Variants in SPRR2G observed in about 807,000 individuals in gnomAD.
SPRR2G encodes small proline rich protein 2G.
In SPRR2G, 1 loss-of-function variant was observed where a neutral mutation model predicts 0.7. The ratio of observed to expected loss-of-function variants is 1.49; its 90% CI spans 0.53 to 7.06. The LOEUF (loss-of-function observed/expected upper bound fraction) is 7.06. Among genes scored for constraint, SPRR2G ranks in the 30% most tolerant of loss-of-function variants. The pLI, the probability that SPRR2G is intolerant of heterozygous loss-of-function variation, is 0.14. For synonymous variants in SPRR2G, 38 were observed against 33.9 expected (o/e 1.12, Z -0.42); for missense variants, 96 against 88.5 (o/e 1.09, Z -0.34).
At chr1:153,193,767 G>A in the SPRR2G span, among the ~76,000 whole-genome samples, 2 of 152,114 alleles carry the variant, frequency 1.3e-5, no homozygotes, top group African/African-American at 4.8e-5. Flanking sequence ...AAAGACCTGA[G>A]GTGCTGCTGA....
At chr1:153,158,434 G>C in the SPRR2G span, among the ~76,000 whole-genome samples, 43 of 152,334 alleles carry the variant, frequency 2.8e-4, no homozygotes, top group Non-Finnish European at 5.1e-4. Context: ...TCACATCCAA[G>C]GCATGCTGAT....
At chr1:153,177,749 G>GT in the SPRR2G span, among the ~76,000 whole-genome samples, 5 of 152,100 alleles carry the variant, frequency 3.3e-5, no homozygotes, top group South Asian at 8.3e-4. Flanking sequence ...AGCATTTATA[G>GT]TAAGTATTGA....
chr1:153,185,018 C>T, the SPRR2G span, among the ~76,000 whole-genome samples: 12 of 152,212 alleles, frequency 7.9e-5, no homozygotes, highest in East Asian at 1.2e-3. Context: ...TATTGATTTG[C>T]GTATGTTGAA....
the SPRR2G span, among the ~76,000 whole-genome samples, chr1:153,166,268 A>T: frequency 3.9e-5 from 6 of 152,146 alleles, no homozygotes; most frequent in Non-Finnish European, 2.9e-5. Context: ...TGTACCAAGG[A>T]GGGTTCTGCA....
intron 1 of SPRR2G, 145 bp from the exon 2 acceptor site, chr1:153,150,276 T>A: frequency 8.2e-7 from 1 of 1,222,146 alleles, no homozygotes; most frequent in Non-Finnish European, 1.1e-6. Flanking sequence ...TCTTCACACT[T>A]CACTTTTAGG....
the SPRR2G span, among the ~76,000 whole-genome samples, chr1:153,199,698 T>C: frequency 6.6e-6 from 1 of 152,006 alleles, no homozygotes; most frequent in African/African-American, 2.4e-5. Flanking sequence ...AGGAAAGACC[T>C]TCTGATTACT....
the SPRR2G span, among the ~76,000 whole-genome samples, chr1:153,159,630 G>A: frequency 6.6e-6 from 1 of 152,142 alleles, no homozygotes; most frequent in Non-Finnish European, 1.5e-5. Flanking sequence ...CTGCTATAAA[G>A]ATACTACCTG....
chr1:153,173,810 C>T, the SPRR2G span, among the ~76,000 whole-genome samples: 1 of 152,154 alleles, frequency 6.6e-6, no homozygotes, highest in African/African-American at 2.4e-5. Flanking sequence ...AGACTCAAGT[C>T]TCTCACTGGC....
the SPRR2G span, among the ~76,000 whole-genome samples, chr1:153,169,916 G>A: frequency 2.6e-5 from 4 of 152,314 alleles, no homozygotes; most frequent in African/African-American, 9.6e-5. Context: ...CAGAATGGCT[G>A]CCTTGCAGAC....
At chr1:153,173,300 C>T in the SPRR2G span, among the ~76,000 whole-genome samples, 1 of 152,114 alleles carries the variant, frequency 6.6e-6, no homozygotes, top group African/African-American at 2.4e-5. Flanking sequence ...TCGATTACTC[C>T]CTGGCTGCTC....
chr1:153,155,705 G>T (rs1557934882), upstream of SPRR2G, among the ~76,000 whole-genome samples: 1 of 152,252 alleles, frequency 6.6e-6, no homozygotes, highest in East Asian at 1.9e-4. Context: ...TTTTTGAACT[G>T]TGTGCTGTCA....
the SPRR2G span, among the ~76,000 whole-genome samples, chr1:153,180,654 A>G: frequency 6.6e-6 from 1 of 152,206 alleles, no homozygotes; most frequent in East Asian, 1.9e-4. Flanking sequence ...TGACTGGGTC[A>G]GAGGATAGGG....
chr1:153,160,450 T>A, the SPRR2G span, among the ~76,000 whole-genome samples: 1 of 152,240 alleles, frequency 6.6e-6, no homozygotes, highest in Admixed American at 6.5e-5. Flanking sequence ...GAATTATTTT[T>A]AATTTTTTGA....
chr1:153,192,551 A>G, the SPRR2G span, among the ~76,000 whole-genome samples: 1 of 152,034 alleles, frequency 6.6e-6, no homozygotes, highest in Non-Finnish European at 1.5e-5. Flanking sequence ...AATTGCACCC[A>G]CTTCCCTTTT....
chr1:153,188,664 C>T, the SPRR2G span, among the ~76,000 whole-genome samples: 2 of 152,138 alleles, frequency 1.3e-5, no homozygotes, highest in African/African-American at 4.8e-5. Flanking sequence ...GCTTCAACAC[C>T]CTTTCCAGGA....
chr1:153,191,288 A>T, the SPRR2G span: 1 of 152,202 alleles, frequency 6.6e-6, no homozygotes, highest in Admixed American at 6.5e-5. Context: ...AGGTTCATAG[A>T]TGTGTGAGTG....
chr1:153,169,202 C>T, the SPRR2G span, among the ~76,000 whole-genome samples: 1 of 152,062 alleles, frequency 6.6e-6, no homozygotes, highest in South Asian at 2.1e-4. Flanking sequence ...TGATTTCAAC[C>T]AACCTTGTGA....
the SPRR2G span, among the ~76,000 whole-genome samples, chr1:153,172,821 G>A: frequency 1.3e-5 from 2 of 152,230 alleles, no homozygotes; most frequent in African/African-American, 4.8e-5. Context: ...TAAAAGGAGA[G>A]AAGAGTTCCA....
the SPRR2G span, among the ~76,000 whole-genome samples, chr1:153,165,348 C>T: frequency 2.6e-5 from 4 of 152,186 alleles, no homozygotes; most frequent in Non-Finnish European, 5.9e-5. Flanking sequence ...AAGCCTACTA[C>T]AGAGCATAAA....
Sources: gnomAD v4.1 joint callset for allele counts (sites outside exome capture counted in the v4.1 genomes callset) on GRCh38, gnomAD v4.1.1 for gene constraint, MANE v1.5 for transcripts, NCBI Gene and HGNC (gene_info 2026-07-23, HGNC 2026-07-21) for gene names.